SYT12: variants seen among roughly 807,000 people sequenced by gnomAD.
SYT12 encodes the protein synaptotagmin 12, also known as synaptotagmin-12.
In SYT12, 27 loss-of-function variants were observed where a neutral mutation model predicts 39.5. That is an observed-to-expected ratio of 0.68 (90% CI 0.50 to 0.94). SYT12 has a LOEUF of 0.94. SYT12 is among the 40% of genes least tolerant of loss of function. SYT12 has a pLI of 0.00. For synonymous variants in SYT12, 233 were observed against 239.7 expected (o/e 0.97, Z 0.26); for missense variants, 536 against 572.6 (o/e 0.94, Z 0.65).
intron 6 of SYT12, among the ~76,000 whole-genome samples, chr11:67,045,334 G>A (rs1424081462): frequency 6.6e-6 from 1 of 152,112 alleles, no homozygotes; most frequent in Non-Finnish European, 1.5e-5. Context: ...ACACCCCGTG[G>A]GCAATAGGTG....
At chr11:67,015,805 G>A (rs1950053514) in intron 3 of SYT12, among the ~76,000 whole-genome samples, 1 of 152,128 alleles carries the variant, frequency 6.6e-6, no homozygotes, top group Non-Finnish European at 1.5e-5. Flanking sequence ...CACGTTCATA[G>A]CCAGAAGCCA....
At chr11:67,034,588 G>T in intron 2 of SYT12, 57 bp from the exon 3 acceptor site, 1 of 1,498,456 alleles carries the variant, frequency 6.7e-7, no homozygotes. Context: ...GCTGCTCCCC[G>T]GGTGGGGGTC....
chr11:67,048,442 C>T (rs1854636212), intron 7 of SYT12, 142 bp from the exon 8 acceptor site: 2 of 825,722 alleles, frequency 2.4e-6, no homozygotes, highest in Non-Finnish European at 3.6e-6. Flanking sequence ...CAAGTCTCCT[C>T]ACCTCTTAGA....
intron 3 of SYT12, among the ~76,000 whole-genome samples, chr11:67,037,012 G>T (rs1950394553): frequency 6.6e-6 from 1 of 152,212 alleles, no homozygotes; most frequent in Admixed American, 6.5e-5. Context: ...GGTGGAGGTT[G>T]CAGTGAGCTG....
At position 67,026,017 on chromosome 11, in the gene SYT12, A is replaced by T. The variant is rs1037901243; in HGVS notation, c.-24+2557A>T. 3.9e-5 allele frequency among the ~76,000 whole-genome samples: 6 copies of T among 151,902 alleles called. No individual in the cohort carries two copies. In the Middle Eastern group the frequency reaches 0.01, roughly 258 times the overall value. ...TTGCTGGGCGTGGTGAGATCACACC[A>T]CTTCATTCCAGCCTGGGTGAAAGAG... On this transcript the variant is annotated intron_variant, in intron 1 of 7. Transcript: ENST00000527043.
In SYT12 at chr11:67,040,304, T is replaced by TCCC. The variant is rs1591373057; in HGVS notation, c.621+101_621+102insCCC. 52 of 1,457,320 alleles carry TCCC rather than the reference T, an allele frequency of 3.6e-5. No individual in the cohort carries two copies. In the East Asian group the frequency reaches 1.1e-3, roughly 32 times the overall value. 90.3% of individuals were successfully genotyped at this position (1,457,320 alleles called of 1,614,324 possible). The stretch of plus-strand genomic sequence containing the variant: ...GCCCGGCAGGATCCCAGAAAGGCAG[T>TCCC]AGAGTGCAAGTATGGATGCTGATCC... On this transcript the variant is annotated intron_variant, in intron 4 of 7. Transcript: ENST00000527043.
At chr11:67,011,227 T>C (rs1004426219) in intron 3 of SYT12, among the ~76,000 whole-genome samples, 2 of 152,108 alleles carry the variant, frequency 1.3e-5, no homozygotes, top group African/African-American at 4.8e-5. Context: ...AGTGTATGTA[T>C]ATTAACTTTG....
chr11:67,035,458 CTTTTTTTTT>C (rs1213047598), intron 3 of SYT12, among the ~76,000 whole-genome samples: 1 of 90,238 alleles, frequency 1.1e-5, no homozygotes, highest in African/African-American at 5.0e-5. Flanking sequence ...TTTTTCTTTT[CTTTTTTTTT>C]TTTTTTTTGA....
chr11:67,035,941 G>T (rs571567264), intron 3 of SYT12, among the ~76,000 whole-genome samples: 1 of 138,086 alleles, frequency 7.2e-6, no homozygotes, highest in South Asian at 2.5e-4. Flanking sequence ...TTGAGACAGG[G>T]TCTCACTCTG....
chr11:67,048,323 TG>T (rs1854633582), intron 7 of SYT12, among the ~76,000 whole-genome samples: 1 of 150,860 alleles, frequency 6.6e-6, no homozygotes, highest in African/African-American at 2.4e-5. Flanking sequence ...ATTTGAAACC[TG>T]GCAGGCAGGT....
chr11:67,034,471 C>A (rs1014102208), intron 2 of SYT12, among the ~76,000 whole-genome samples, 174 bp from the exon 3 acceptor site: 3 of 152,242 alleles, frequency 2.0e-5, no homozygotes, highest in African/African-American at 7.2e-5. Context: ...CAAAACACTT[C>A]TGGTCCCAAG....
chr11:67,011,347 A>G (rs944270992), intron 3 of SYT12, among the ~76,000 whole-genome samples: 1 of 152,112 alleles, frequency 6.6e-6, no homozygotes, highest in Non-Finnish European at 1.5e-5. Flanking sequence ...GGTTCAAGCA[A>G]TTCTCCTACC....
rs1323154805 is a variant in SYT12, at chr11:67,049,305, G to T, written c.*548G>T. 6.5e-6 allele frequency: 1 copy of T among 152,828 alleles called. No individual in the cohort carries two copies. 9.5% of individuals were successfully genotyped at this position (152,828 alleles called of 1,614,324 possible). ...GAGCATGTCGCAGGCAGCGGGCCCA[G>T]CCTGAGCAATGGCAGGATGTGAACT... On this transcript the variant is annotated 3_prime_UTR_variant, in exon 8 of 8. Transcript: ENST00000527043.
intron 3 of SYT12, among the ~76,000 whole-genome samples, chr11:67,015,300 C>T (rs968176679): frequency 6.6e-6 from 1 of 152,232 alleles, no homozygotes; most frequent in Non-Finnish European, 1.5e-5. Flanking sequence ...GCTGGGAGAG[C>T]AAGTCCCTGC....
chr11:67,034,517 A>T, intron 2 of SYT12, 128 bp from the exon 3 acceptor site: 1 of 752,604 alleles, frequency 1.3e-6, no homozygotes, highest in Middle Eastern at 3.8e-4. Flanking sequence ...TCGACATGGG[A>T]TCTCCAGCAC....
intron 1 of SYT12, among the ~76,000 whole-genome samples, chr11:67,026,043 C>T (rs1197383329): frequency 2.0e-5 from 3 of 151,480 alleles, no homozygotes; most frequent in East Asian, 1.9e-4. Context: ...GGTGAAAGAG[C>T]GAAACTCCGT....
chr11:67,046,780 G>C (rs906950940), intron 7 of SYT12, among the ~76,000 whole-genome samples: 6 of 152,224 alleles, frequency 3.9e-5, no homozygotes, highest in Non-Finnish European at 7.3e-5. Context: ...GGAGGAGAGA[G>C]ATCGGGCTGG....
At chr11:67,044,476 T>C (rs550712942) in intron 5 of SYT12, 117 bp from the exon 6 acceptor site, 2 of 1,430,878 alleles carry the variant, frequency 1.4e-6, no homozygotes, top group South Asian at 3.0e-5. Context: ...GGGCCCCCAG[T>C]GCAGCCACTT....
intron 3 of SYT12, 63 bp downstream of exon 3, chr11:67,034,901 G>A: frequency 1.5e-6 from 2 of 1,352,716 alleles, no homozygotes; most frequent in Non-Finnish European, 2.0e-6. Context: ...CATCCACTCA[G>A]ATCAGTCTTC....
Sources: gnomAD v4.1 joint callset for allele counts (sites outside exome capture counted in the v4.1 genomes callset) on GRCh38, gnomAD v4.1.1 for gene constraint, MANE v1.5 for transcripts, NCBI Gene and HGNC (gene_info 2026-07-23, HGNC 2026-07-21) for gene names.